Variants in NRXN3 observed in about 807,000 individuals in gnomAD.
The protein encoded by NRXN3 is neurexin III.
NRXN3 carries 32 observed loss-of-function variants against 137.6 expected under a neutral mutation model. That is an observed-to-expected ratio of 0.23 (90% CI 0.18 to 0.31). The LOEUF is 0.31. Ranked by LOEUF, NRXN3 falls within the 10% of genes least tolerant of loss-of-function variation. The pLI, the probability that NRXN3 is intolerant of heterozygous loss-of-function variation, is 1.00. For missense variants in NRXN3, 1,574 were observed against 2,062.5 expected (o/e 0.76, Z 4.59); for synonymous variants, 798 against 784.5 (o/e 1.02, Z -0.29).
intron 10 of NRXN3, among the ~76,000 whole-genome samples, chr14:78,817,154 C>G (rs1422419810): frequency 6.6e-6 from 1 of 152,134 alleles, no homozygotes; most frequent in Non-Finnish European, 1.5e-5. Context: ...TTACAAAGAG[C>G]AAGGAGGACA....
At chr14:79,416,472 G>A (rs2095498787) in intron 15 of NRXN3, among the ~76,000 whole-genome samples, 1 of 152,052 alleles carries the variant, frequency 6.6e-6, no homozygotes. Flanking sequence ...CAAATCAAAT[G>A]CAAACAATAC....
At chr14:79,074,528 G>A (rs1038164151) in intron 15 of NRXN3, 5 of 152,164 alleles carry the variant, frequency 3.3e-5, no homozygotes, top group Non-Finnish European at 1.5e-5. Flanking sequence ...TTCAAGGAAG[G>A]AGGCTTCTCC....
At chr14:78,846,072 C>G (rs1347963131) in intron 10 of NRXN3, among the ~76,000 whole-genome samples, 2 of 152,062 alleles carry the variant, frequency 1.3e-5, no homozygotes, top group Non-Finnish European at 2.9e-5. Context: ...CAAGAAATGA[C>G]TTCAAGAACA....
chr14:78,567,424 C>T (rs530097603), intron 4 of NRXN3, among the ~76,000 whole-genome samples: 7 of 152,296 alleles, frequency 4.6e-5, no homozygotes, highest in Admixed American at 1.3e-4. Flanking sequence ...GCTGTGGGGT[C>T]GCCCTGCTCC....
chr14:79,661,348 A>G (rs1225602694), intron 16 of NRXN3, among the ~76,000 whole-genome samples: 1 of 152,144 alleles, frequency 6.6e-6, no homozygotes, highest in Non-Finnish European at 1.5e-5. Flanking sequence ...TCCACCCTGT[A>G]TCTCTGCATC....
At chr14:78,311,520 A>T (rs1030905415) in intron 4 of NRXN3, among the ~76,000 whole-genome samples, 1 of 152,200 alleles carries the variant, frequency 6.6e-6, no homozygotes, top group African/African-American at 2.4e-5. Context: ...TTCTTAAAAC[A>T]TTATGAGATT....
chr14:79,554,946 C>T (rs747230852), intron 16 of NRXN3, among the ~76,000 whole-genome samples: 22 of 152,058 alleles, frequency 1.4e-4, no homozygotes, highest in Non-Finnish European at 2.9e-4. Context: ...TGGTTGATTC[C>T]CATGCATGTG....
intron 2 of NRXN3, among the ~76,000 whole-genome samples, chr14:78,249,492 G>A (rs886402478): frequency 3.3e-5 from 5 of 152,070 alleles, no homozygotes; most frequent in African/African-American, 1.2e-4. Context: ...GATGAGGTGG[G>A]GTGTGTGTTG....
At chr14:79,702,248 T>C (rs2098757397) in intron 19 of NRXN3, among the ~76,000 whole-genome samples, 1 of 152,114 alleles carries the variant, frequency 6.6e-6, no homozygotes, top group Non-Finnish European at 1.5e-5. Flanking sequence ...TTTGAAAATA[T>C]GTTCTGTCTA....
chr14:78,445,951 G>T (rs558504046), intron 4 of NRXN3, among the ~76,000 whole-genome samples: 52 of 152,250 alleles, frequency 3.4e-4, no homozygotes, highest in African/African-American at 1.2e-3. Context: ...GTGGGAGAGT[G>T]GGGGTAAAGC....
chr14:78,665,496 C>G (rs1364628154), intron 6 of NRXN3, among the ~76,000 whole-genome samples: 4 of 152,136 alleles, frequency 2.6e-5, no homozygotes, highest in African/African-American at 9.7e-5. Context: ...CACCGGGTTC[C>G]TCTCATGACA....
At chr14:79,496,720 GT>G (rs890792932) in intron 16 of NRXN3, among the ~76,000 whole-genome samples, 1 of 152,174 alleles carries the variant, frequency 6.6e-6, no homozygotes, top group Non-Finnish European at 1.5e-5. Context: ...TAGTAAGTTT[GT>G]TTACTAGATT....
intron 4 of NRXN3, among the ~76,000 whole-genome samples, chr14:78,398,167 T>C (rs1462994004): frequency 2.0e-5 from 3 of 148,260 alleles, no homozygotes; most frequent in Non-Finnish European, 3.0e-5. Context: ...TGAGCCGAGA[T>C]TGCACCATTG....
chr14:79,673,863 G>C (rs2098625991), intron 17 of NRXN3, among the ~76,000 whole-genome samples: 1 of 152,038 alleles, frequency 6.6e-6, no homozygotes, highest in South Asian at 2.1e-4. Context: ...TAGCCCCAAG[G>C]GGTAGATATT....
chr14:78,411,836 C>T (rs899824669), intron 4 of NRXN3, among the ~76,000 whole-genome samples: 1 of 152,186 alleles, frequency 6.6e-6, no homozygotes, highest in African/African-American at 2.4e-5. Flanking sequence ...GATTTACTTA[C>T]AGAAGGGATT....
intron 15 of NRXN3, among the ~76,000 whole-genome samples, chr14:79,380,382 G>A (rs2094437489): frequency 7.2e-6 from 1 of 139,566 alleles, no homozygotes; most frequent in Non-Finnish European, 1.5e-5. Flanking sequence ...AGAGTGTGAT[G>A]TTCCCCTTCC....
chr14:78,750,850 T>A (rs2098637898), intron 8 of NRXN3, among the ~76,000 whole-genome samples: 1 of 152,178 alleles, frequency 6.6e-6, no homozygotes, highest in South Asian at 2.1e-4. Context: ...AGGAGGTAAC[T>A]AGCATTGGCC....
intron 10 of NRXN3, among the ~76,000 whole-genome samples, chr14:78,872,277 A>G (rs951427633): frequency 9.0e-5 from 13 of 145,232 alleles, no homozygotes; most frequent in Non-Finnish European, 1.5e-4. Flanking sequence ...ATTTACATAT[A>G]AATAAATATA....
intron 10 of NRXN3, among the ~76,000 whole-genome samples, chr14:78,892,550 C>CT (rs547946568): frequency 8.1e-4 from 118 of 145,248 alleles, no homozygotes; most frequent in East Asian, 5.6e-3. Flanking sequence ...AACTACCTTC[C>CT]TTTTTTTTTT....
Sources: gnomAD v4.1 joint callset for allele counts (sites outside exome capture counted in the v4.1 genomes callset) on GRCh38, gnomAD v4.1.1 for gene constraint, MANE v1.5 for transcripts, NCBI Gene and HGNC (gene_info 2026-07-23, HGNC 2026-07-21) for gene names.